Variants in NOTUM observed in about 807,000 individuals in gnomAD.
NOTUM encodes palmitoleoyl-protein carboxylesterase NOTUM.
In NOTUM, 36 loss-of-function variants were observed where a neutral mutation model predicts 65.5. That is an observed-to-expected ratio of 0.55 (90% CI 0.42 to 0.73). The LOEUF (loss-of-function observed/expected upper bound fraction) is 0.73, where lower values mean the gene tolerates loss of function less well. Ranked by LOEUF, NOTUM falls within the 30% of genes least tolerant of loss-of-function variation. NOTUM has a pLI of 0.00. For missense variants in NOTUM, 659 were observed against 694.2 expected (o/e 0.95, Z 0.57); for synonymous variants, 356 against 297.9 (o/e 1.20, Z -2.01).
rs569932586 is a variant in NOTUM at position 81,953,028 on chromosome 17, T to C, written c.1424A>G (p.Gln475Arg). 3 of 1,614,020 alleles carry C rather than the reference T, an allele frequency of 1.9e-6. No homozygotes were observed. Among genetic ancestry groups the C allele is most frequent in the African/African-American group, 2.7e-5 (2 of 75,054 alleles). The change falls in exon 11 of 11, where the codon CAG becomes CGG. Residue 475 changes from glutamine (Q) to arginine (R), a missense_variant. Physicochemically the swap from Gln to Arg is conservative, Grantham distance 43. Transcript: ENST00000409678. ...CAGTCCCTGCGGCTGGGCCACCGTC[T>C]GCATGTCGAAGCCCATGTGCATGAG... is the stretch of plus-strand genomic sequence containing the variant. ...QFLMHMGFDM[Q>R]TVAQPQGLEP...
At position 81,960,482 on chromosome 17, in the gene NOTUM, A is replaced by T; in HGVS notation, c.323+105T>A. ...GCCAGGACCGCGGGGCGCCCGACGG[A>T]AGCCCTTTCTCCCCGGGGAGAGAAC... On this transcript the variant is annotated intron_variant, in intron 1 of 10. Transcript: ENST00000409678. The surrounding 1 kb of genome is among the most constrained non-coding windows in gnomAD (Gnocchi z 6.4). 1.3e-6 allele frequency: 1 copy of T among 780,336 alleles called. No homozygotes were observed. Among genetic ancestry groups the T allele is most frequent in the Non-Finnish European group, 1.9e-6 (1 of 524,806 alleles). 48.3% of individuals were successfully genotyped at this position (780,336 alleles called of 1,614,324 possible).
intron 9 of NOTUM, 116 bp downstream of exon 9, chr17:81,955,281 T>C: frequency 1.0e-6 from 1 of 979,094 alleles, no homozygotes; most frequent in Non-Finnish European, 1.5e-6. Context: ...GCGCCCGGCC[T>C]ACAAGACCTC....
chr17:81,957,775 C>T (rs1209302467), intron 6 of NOTUM, 31 bp downstream of exon 6: 5 of 1,515,706 alleles, frequency 3.3e-6, no homozygotes, highest in Non-Finnish European at 4.5e-6. Flanking sequence ...GTCCTCACCC[C>T]TCACCTCCAG....
In NOTUM at chr17:81,954,310, G is replaced by A. The variant is rs765430453; in HGVS notation, c.1137-7C>T. The A allele has an allele frequency of 8.7e-6, 14 of 1,611,016 alleles. No homozygotes were observed. The highest frequency in any genetic ancestry group is 1.1e-5 in the Non-Finnish European group (13 of 1,177,390). ...GGCGGGGGCAAAGCTGGCCCTGTTG[G>A]AGAGGAGACAGTGGCTTGTGAGCTC... is the stretch of plus-strand genomic sequence containing the variant. On this transcript the variant is annotated splice_region_variant and splice_polypyrimidine_tract_variant and intron_variant, in intron 9 of 10. Transcript: ENST00000409678.
chr17:81,958,614 G>C (rs2041450970), intron 4 of NOTUM, among the ~76,000 whole-genome samples: 1 of 150,632 alleles, frequency 6.6e-6, no homozygotes, highest in South Asian at 2.1e-4. Context: ...GACCAACTCA[G>C]GACAGGACCC....
Position 81,960,982 on chromosome 17 carries a change from G to GA in NOTUM, c.-74_-73insT, listed in dbSNP as rs2041472997. On this transcript the variant is annotated 5_prime_UTR_variant, in exon 1 of 11. Transcript: ENST00000409678. This position sits in a 1 kb window ranked among gnomAD's most constrained non-coding sequence, Gnocchi z 6.4. Reference sequence around the variant, plus strand: ...GGCGGCGGGGGATGCCGGGCCGGGGGTGCCGGGCCGGGGGTGTCGGGGGCA... The same window carrying GA: ...GGCGGCGGGGGATGCCGGGCCGGGGGATGCCGGGCCGGGGGTGTCGGGGGCA... The GA allele has an allele frequency of 2.4e-6, 2 of 831,444 alleles. No homozygotes were observed. The highest frequency in any genetic ancestry group is 9.6e-5 in the East Asian group (2 of 20,904). The allele number at this position is 831,444 out of a possible 1,614,324, so 51.5% of individuals were successfully genotyped here.
In NOTUM at chr17:81,959,631, T is replaced by G. The variant is rs1443491695; in HGVS notation, c.376+9A>C. 3 of 1,545,376 alleles carry G rather than the reference T, an allele frequency of 1.9e-6. No homozygotes were observed. The highest frequency in any genetic ancestry group is 2.5e-5 in the East Asian group (1 of 40,670). On this transcript the variant is annotated intron_variant, in intron 2 of 10. Transcript: ENST00000409678. ...CCCCGGCCTCCCCCCGCCTCAGCCC[T>G]GGACGCACCTTCCAGGAAGAGGAGC...
Position 81,958,945 on chromosome 17 carries a change from C to T in NOTUM, c.523G>A (p.Ala175Thr), listed in dbSNP as rs1193889053. ...QPEENPYWWN[A>T]NMVFIPYCSS... ...CCTGTGCCCCCTTACACCATGTTTG[C>T]GTTCCACCAGTAGGGGTTCTCCTCC... The change falls in exon 4 of 11, where the codon GCA becomes ACA. Residue 175 changes from alanine (A) to threonine (T), a missense_variant. Ala to Thr is a moderately conservative substitution (Grantham distance 58). Coordinates refer to ENST00000409678, the MANE Select transcript of NOTUM (RefSeq NM_178493.6). 2 of 1,612,622 alleles carry T rather than the reference C, an allele frequency of 1.2e-6. No individual in the cohort carries two copies. Among genetic ancestry groups the T allele is most frequent in the South Asian group, 1.1e-5 (1 of 91,074 alleles).
Position 81,960,857 on chromosome 17 carries a change from C to A in NOTUM, c.53G>T (p.Gly18Val). The A allele has an allele frequency of 1.3e-6, 2 of 1,486,234 alleles. No homozygotes were observed. The highest frequency in any genetic ancestry group is 2.3e-4 in the Middle Eastern group (1 of 4,272). The allele number at this position is 1,486,234 out of a possible 1,614,324, so 92.1% of individuals were successfully genotyped here. ...CCAGGTCTTCCTGCCCTCGCTGCCCCCGGCGCAGTGCAGCAGGCTCAGCAG... is the reference window on the plus strand; with the variant it reads ...CCAGGTCTTCCTGCCCTCGCTGCCCACGGCGCAGTGCAGCAGGCTCAGCAG... ...LLLLSLLHCA[G>V]GSEGRKTWRR... Residue 18 changes from glycine to valine, a missense_variant, in exon 1 of 11, where the codon GGG becomes GTG. Physicochemically the swap from Gly to Val is moderately radical, Grantham distance 109. Coordinates refer to ENST00000409678, the MANE Select transcript of NOTUM (RefSeq NM_178493.6). This position sits in a 1 kb window ranked among gnomAD's most constrained non-coding sequence, Gnocchi z 6.4.
chr17:81,954,959 C>CT (rs1555625498), intron 9 of NOTUM, among the ~76,000 whole-genome samples: 6 of 46,506 alleles, frequency 1.3e-4, no homozygotes, highest in African/African-American at 2.3e-4. Context: ...CTCTCTCTCT[C>CT]CTCTCTCTCT....
chr17:81,957,488 C>CATT (rs2041442323), intron 6 of NOTUM, among the ~76,000 whole-genome samples: 1 of 152,090 alleles, frequency 6.6e-6, no homozygotes, highest in African/African-American at 2.4e-5. Flanking sequence ...GGAGAAGGAG[C>CATT]ATTAGTCCAT....
chr17:81,956,210 A>G (rs1297268581), intron 8 of NOTUM, among the ~76,000 whole-genome samples: 2 of 152,128 alleles, frequency 1.3e-5, no homozygotes, highest in Non-Finnish European at 2.9e-5. Context: ...TCACCTAAAT[A>G]TGGTGATGAT....
At chr17:81,958,186 G>A in intron 5 of NOTUM, 149 bp downstream of exon 5, 1 of 663,036 alleles carries the variant, frequency 1.5e-6, no homozygotes, top group South Asian at 1.7e-5. Flanking sequence ...ACTGTCAAGG[G>A]CTTTGAAAGC....
intron 8 of NOTUM, among the ~76,000 whole-genome samples, 157 bp from the exon 9 acceptor site, chr17:81,955,701 AG>A (rs2041427846): frequency 1.2e-5 from 1 of 81,974 alleles, no homozygotes; most frequent in Non-Finnish European, 2.3e-5. Context: ...CCCCAGGCTC[AG>A]AGCTCAGCAC....
rs2041471856 is a variant in NOTUM at position 81,960,927 on chromosome 17, GGGA to G, written c.-21_-19del. On this transcript the variant is annotated 5_prime_UTR_variant, in exon 1 of 11. Coordinates refer to ENST00000409678, the MANE Select transcript of NOTUM (RefSeq NM_178493.6). This position sits in a 1 kb window ranked among gnomAD's most constrained non-coding sequence, Gnocchi z 6.4. The stretch of plus-strand genomic sequence containing the variant: ...CGGCCCATGGCCGCGTCCACCTGCG[GGGA>G]GCGGGCGGCCTTGAGGCGGCGGCGG... 9.0e-6 allele frequency: 11 copies of G among 1,219,236 alleles called. No individual in the cohort carries two copies. Among genetic ancestry groups the G allele is most frequent in the Non-Finnish European group, 9.2e-6 (9 of 979,530 alleles). 75.5% of individuals were successfully genotyped at this position (1,219,236 alleles called of 1,614,324 possible).
chr17:81,955,293 ATT>A (rs958808776), intron 9 of NOTUM, 102 bp downstream of exon 9: 8 of 1,079,958 alleles, frequency 7.4e-6, no homozygotes, highest in African/African-American at 4.8e-5. Flanking sequence ...CAAGACCTCT[ATT>A]TTTTTTTGTT....
intron 10 of NOTUM, 90 bp downstream of exon 10, chr17:81,954,166 G>T: frequency 1.1e-6 from 1 of 884,620 alleles, no homozygotes; most frequent in Non-Finnish European, 1.9e-6. Flanking sequence ...GCCAAGAAGA[G>T]GCCCATGGGA....
chr17:81,960,622 G>A lies in NOTUM; in HGVS notation c.288C>T (p.Asn96=), dbSNP rs2143950786. The A allele has an allele frequency of 6.5e-7, 1 of 1,537,716 alleles. No homozygotes were observed. Among genetic ancestry groups the A allele is most frequent in the African/African-American group, 1.4e-5 (1 of 73,012 alleles). Residue 96 remains asparagine, a synonymous_variant, in exon 1 of 11, where the codon AAC becomes AAT. Coordinates refer to ENST00000409678, the MANE Select transcript of NOTUM (RefSeq NM_178493.6). The surrounding 1 kb of genome is among the most constrained non-coding windows in gnomAD (Gnocchi z 6.4). ...NEDLRLHLLL[N]TSVTCNDGSP... ...TGCCGTCGTTGCAGGTCACCGAGGTGTTGAGTAGGAGGTGCAGGCGCAGGT... is the reference window on the plus strand; with the variant it reads ...TGCCGTCGTTGCAGGTCACCGAGGTATTGAGTAGGAGGTGCAGGCGCAGGT...
At chr17:81,959,025 A>C in intron 3 of NOTUM, 30 bp from the exon 4 acceptor site, 2 of 1,600,644 alleles carry the variant, frequency 1.2e-6, no homozygotes, top group Non-Finnish European at 1.7e-6. Flanking sequence ...GGGTCTTTCT[A>C]GCGGGAGGAG....
Sources: gnomAD v4.1 joint callset for allele counts (sites outside exome capture counted in the v4.1 genomes callset) on GRCh38, gnomAD v4.1.1 for gene constraint, Gnocchi (gnomAD v3.1) non-coding constraint, MANE v1.5 for transcripts, NCBI Gene and HGNC (gene_info 2026-07-23, HGNC 2026-07-21) for gene names.